Variants in ZCCHC7 observed in about 807,000 individuals in gnomAD.
The protein encoded by ZCCHC7 is zinc finger CCHC domain-containing protein 7.
In ZCCHC7, 35 loss-of-function variants were observed where a neutral mutation model predicts 52.0. That is an observed-to-expected ratio of 0.67 (90% CI 0.51 to 0.89). The LOEUF (loss-of-function observed/expected upper bound fraction) is 0.89. ZCCHC7 is among the 40% of genes least tolerant of loss of function. The probability of loss-of-function intolerance (pLI) is 0.00; values close to 1 mark genes in which losing one functional copy is unlikely to be tolerated. For synonymous variants in ZCCHC7, 217 were observed against 221.5 expected, an observed-to-expected ratio of 0.98 and a Z score of 0.18; for missense variants, 574 against 649.1, an observed-to-expected ratio of 0.88 and a Z score of 1.26.
intron 2 of ZCCHC7, among the ~76,000 whole-genome samples, chr9:37,211,635 T>G (rs1824220198): frequency 6.6e-6 from 1 of 152,214 alleles, no homozygotes; most frequent in Non-Finnish European, 1.5e-5. Context: ...TTATTTTATC[T>G]TTAACATTTT....
intron 2 of ZCCHC7, among the ~76,000 whole-genome samples, chr9:37,150,328 A>G (rs1002043802): frequency 1.3e-5 from 2 of 152,222 alleles, no homozygotes. Flanking sequence ...CCAGTAAACA[A>G]AATCAGCTCT....
chr9:37,259,358 A>C (rs1826752218), intron 2 of ZCCHC7, among the ~76,000 whole-genome samples: 1 of 152,224 alleles, frequency 6.6e-6, no homozygotes, highest in African/African-American at 2.4e-5. Flanking sequence ...AATCTTGATT[A>C]ATCATGACTT....
intron 2 of ZCCHC7, among the ~76,000 whole-genome samples, chr9:37,260,930 A>G (rs140965353): frequency 9.6e-4 from 146 of 152,210 alleles, no homozygotes; most frequent in African/African-American, 3.4e-3. Context: ...TTTATTCTAT[A>G]TCTTTCTTTT....
rs1193777517 is a variant in ZCCHC7 at position 37,354,685 on chromosome 9, T to C, written c.1084-25T>C. ...TTTTGAACAGTGTGACCATGTGACA[T>C]CATAATTTTACATACAATTTATAGG... On this transcript the variant is annotated intron_variant, in intron 7 of 8. Coordinates refer to ENST00000336755, the MANE Select transcript of ZCCHC7 (RefSeq NM_032226.3). The surrounding 1 kb of genome is among the most constrained non-coding windows in gnomAD (Gnocchi z 4.0). 6.5e-7 allele frequency: 1 copy of C among 1,543,060 alleles called. No individual in the cohort carries two copies. The highest frequency in any genetic ancestry group is 1.4e-5 in the African/African-American group (1 of 73,206).
intron 2 of ZCCHC7, among the ~76,000 whole-genome samples, chr9:37,268,521 A>G (rs1483153802): frequency 6.6e-6 from 1 of 151,804 alleles, no homozygotes; most frequent in Non-Finnish European, 1.5e-5. Context: ...CCACATCCCA[A>G]GTTCACACCA....
intron 5 of ZCCHC7, 141 bp downstream of exon 5, chr9:37,305,855 A>G (rs3780333): frequency 0.25 from 206,893 of 824,870 alleles, 27,411 homozygotes; most frequent in Middle Eastern, 0.28. Context: ...ATATATAGTC[A>G]TGTCCATTTT....
Position 37,299,448 on chromosome 9 carries a change from G to T in ZCCHC7, c.611-2740G>T, listed in dbSNP as rs1828933723. Among the ~76,000 whole-genome samples the T allele has an allele frequency of 2.0e-5, 3 of 152,122 alleles. No homozygotes were observed. In the South Asian group the frequency reaches 6.2e-4, roughly 32 times the overall value. On this transcript the variant is annotated intron_variant, in intron 2 of 8. Coordinates refer to ENST00000336755, the MANE Select transcript of ZCCHC7 (RefSeq NM_032226.3). ...CAGACCCAGAGATCTTAAGTATCCTGCCCAACACCACACAGCAAATTAGCG... is the reference window on the plus strand; with the variant it reads ...CAGACCCAGAGATCTTAAGTATCCTTCCCAACACCACACAGCAAATTAGCG...
chr9:37,301,208 T>A (rs565135289), intron 2 of ZCCHC7, among the ~76,000 whole-genome samples: 1 of 152,360 alleles, frequency 6.6e-6, no homozygotes, highest in South Asian at 2.1e-4. Context: ...AGTTAACTGA[T>A]ACTGGACAGG....
intron 2 of ZCCHC7, among the ~76,000 whole-genome samples, chr9:37,163,855 ATGATG>A (rs1270071568): frequency 2.0e-5 from 3 of 152,170 alleles, no homozygotes; most frequent in Admixed American, 6.5e-5. Flanking sequence ...TAATTTTTAT[ATGATG>A]TGAGGTGTAA....
At chr9:37,247,379 A>C (rs960694924) in intron 2 of ZCCHC7, among the ~76,000 whole-genome samples, 1 of 152,180 alleles carries the variant, frequency 6.6e-6, no homozygotes. Context: ...AGAAATGAGC[A>C]AAAAACCATT....
At chr9:37,270,692 AAAAAG>A (rs1446623576) in intron 2 of ZCCHC7, among the ~76,000 whole-genome samples, 9 of 151,972 alleles carry the variant, frequency 5.9e-5, no homozygotes, top group Admixed American at 5.9e-4. Flanking sequence ...CAAAAAAAAA[AAAAAG>A]AAAAGAAAAA....
chr9:37,168,240 G>GT (rs1309678183), intron 2 of ZCCHC7, among the ~76,000 whole-genome samples: 1 of 152,072 alleles, frequency 6.6e-6, no homozygotes, highest in Non-Finnish European at 1.5e-5. Flanking sequence ...AATGTCTCGT[G>GT]TTTTAAACGC....
At chr9:37,275,894 G>T (rs368837116) in intron 2 of ZCCHC7, among the ~76,000 whole-genome samples, 11 of 152,058 alleles carry the variant, frequency 7.2e-5, no homozygotes, top group African/African-American at 2.7e-4. Flanking sequence ...CAGGTGATCC[G>T]CCTGCCTCAG....
At chr9:37,317,830 C>T (rs1484538893) in intron 5 of ZCCHC7, among the ~76,000 whole-genome samples, 3 of 128,496 alleles carry the variant, frequency 2.3e-5, no homozygotes, top group Non-Finnish European at 3.3e-5. Context: ...AACTGCCTCC[C>T]CCACTCCCCC....
intron 7 of ZCCHC7, among the ~76,000 whole-genome samples, chr9:37,352,959 A>G (rs1385855510): frequency 6.6e-6 from 1 of 152,234 alleles, no homozygotes; most frequent in Non-Finnish European, 1.5e-5. Flanking sequence ...TGGAAATGAT[A>G]AAGATTAGAA....
intron 2 of ZCCHC7, among the ~76,000 whole-genome samples, chr9:37,158,397 G>A (rs994381072): frequency 1.3e-5 from 2 of 152,200 alleles, no homozygotes; most frequent in African/African-American, 4.8e-5. Context: ...TACTTGATGA[G>A]TGAAGCAAAA....
chr9:37,278,932 C>T (rs969265941), intron 2 of ZCCHC7, among the ~76,000 whole-genome samples: 1 of 152,058 alleles, frequency 6.6e-6, no homozygotes, highest in Non-Finnish European at 1.5e-5. Flanking sequence ...ACCTGTAATC[C>T]CAGCATTTTG....
At chr9:37,155,171 T>A (rs1433097793) in intron 2 of ZCCHC7, among the ~76,000 whole-genome samples, 1 of 152,016 alleles carries the variant, frequency 6.6e-6, no homozygotes, top group Non-Finnish European at 1.5e-5. Flanking sequence ...CCATCCTGGC[T>A]AACACAGTGA....
At chr9:37,202,080 GA>G (rs1326718230) in intron 2 of ZCCHC7, among the ~76,000 whole-genome samples, 1 of 152,200 alleles carries the variant, frequency 6.6e-6, no homozygotes, top group Non-Finnish European at 1.5e-5. Flanking sequence ...AAGCAACTCA[GA>G]ATGTCTCTGA....
Sources: gnomAD v4.1 joint callset for allele counts (sites outside exome capture counted in the v4.1 genomes callset) on GRCh38, gnomAD v4.1.1 for gene constraint, Gnocchi (gnomAD v3.1) non-coding constraint, MANE v1.5 for transcripts, NCBI Gene and HGNC (gene_info 2026-07-23, HGNC 2026-07-21) for gene names.